The following CFHR4 variants were observed in gnomAD, a reference collection of about 807,000 sequenced individuals.
CFHR4 encodes the protein complement factor H-related protein 4.
Under a neutral mutation model 69.3 loss-of-function variants are expected in CFHR4, and 64 were observed. That is an observed-to-expected ratio of 0.92 (90% CI 0.76 to 1.14). The LOEUF (loss-of-function observed/expected upper bound fraction) is 1.14. CFHR4 is among the 50% of genes most tolerant of loss of function. The pLI is 0.00. For synonymous variants in CFHR4, 244 were observed against 237.0 expected, an observed-to-expected ratio of 1.03 and a Z score of -0.27; for missense variants, 636 against 684.9, an observed-to-expected ratio of 0.93 and a Z score of 0.80.
rs1175036015 is a variant in CFHR4, at chr1:196,918,428, G to C, written c.*22G>C. The C allele has an allele frequency of 2.5e-6, 4 of 1,594,838 alleles. No homozygotes were observed. In the East Asian group the frequency reaches 9.0e-5, roughly 36 times the overall value. On this transcript the variant is annotated 3_prime_UTR_variant, in exon 10 of 10. Coordinates refer to ENST00000608469, the MANE Select transcript of CFHR4 (RefSeq NM_001201550.3). Reference sequence around the variant, plus strand: ...ATAAGGCAGCATTGTTACCCTAAATGTATGTCCAACTTCCACTTCTCACTC... The same window carrying C: ...ATAAGGCAGCATTGTTACCCTAAATCTATGTCCAACTTCCACTTCTCACTC...
intron 1 of CFHR4, among the ~76,000 whole-genome samples, chr1:196,897,741 T>C (rs1359540403): frequency 6.6e-6 from 1 of 151,294 alleles, no homozygotes; most frequent in Non-Finnish European, 1.5e-5. Flanking sequence ...TTCAGCCGCG[T>C]ATGTGTGCCC....
At chr1:196,909,575 A>T (rs972873040) in intron 5 of CFHR4, among the ~76,000 whole-genome samples, 1 of 151,538 alleles carries the variant, frequency 6.6e-6, no homozygotes, top group Non-Finnish European at 1.5e-5. Context: ...AGTGCTTGAA[A>T]GATGGATTAA....
In CFHR4 at chr1:196,908,523, C is replaced by T. The variant is rs991354059; in HGVS notation, c.799+1025C>T. ...TTTTCACCTTCATCTCCTCTCCCCT[C>T]GTCCCAGAATGAAAATGAATACACT... On this transcript the variant is annotated intron_variant, in intron 5 of 9. Transcript: ENST00000608469. 1.3e-4 allele frequency among the ~76,000 whole-genome samples: 19 copies of T among 151,400 alleles called. 1 individual carries two copies. Among genetic ancestry groups the T allele is most frequent in the African/African-American group, 3.2e-4 (13 of 41,042 alleles).
At chr1:196,896,165 A>T (rs998361260) in intron 1 of CFHR4, among the ~76,000 whole-genome samples, 13 of 148,276 alleles carry the variant, frequency 8.8e-5, no homozygotes, top group Non-Finnish European at 1.6e-4. Context: ...AATGGGTAAC[A>T]ATGGGAATCA....
intron 1 of CFHR4, among the ~76,000 whole-genome samples, chr1:196,892,127 G>A (rs535035126): frequency 6.6e-6 from 1 of 151,572 alleles, no homozygotes; most frequent in Admixed American, 6.6e-5. Context: ...TTAAATTAAC[G>A]CTGATAAAAT....
Position 196,888,117 on chromosome 1 carries a change from C to T in CFHR4, c.-34C>T. 1 of 1,601,826 alleles carries T rather than the reference C, an allele frequency of 6.2e-7. No homozygotes were observed. The highest frequency in any genetic ancestry group is 8.5e-7 in the Non-Finnish European group (1 of 1,171,078). On this transcript the variant is annotated 5_prime_UTR_variant, in exon 1 of 10. Coordinates refer to ENST00000608469, the MANE Select transcript of CFHR4 (RefSeq NM_001201550.3). ...CAAACCCCAAACAGTGCAACTGAAA[C>T]TTTTGCATTACTATACTACTGAGAA...
chr1:196,899,190 C>A (rs545003793), intron 1 of CFHR4, among the ~76,000 whole-genome samples: 1 of 151,436 alleles, frequency 6.6e-6, no homozygotes, highest in African/African-American at 2.4e-5. Context: ...TTGCCTTTTT[C>A]AAGATTTTTT....
chr1:196,911,086 G>A (rs539086360), intron 6 of CFHR4, among the ~76,000 whole-genome samples: 2 of 151,558 alleles, frequency 1.3e-5, no homozygotes, highest in East Asian at 3.9e-4. Context: ...ATTCGTGTCA[G>A]TTAGTCCACT....
At chr1:196,892,868 A>G (rs1479968327) in intron 1 of CFHR4, among the ~76,000 whole-genome samples, 3 of 151,588 alleles carry the variant, frequency 2.0e-5, no homozygotes, top group Non-Finnish European at 4.4e-5. Flanking sequence ...CAACATGTGT[A>G]TTTAGCTTTA....
intron 4 of CFHR4, 111 bp from the exon 5 acceptor site, chr1:196,907,205 G>A: frequency 8.2e-7 from 1 of 1,217,046 alleles, no homozygotes; most frequent in Non-Finnish European, 1.2e-6. Flanking sequence ...AAATACAAAT[G>A]TCTTCCTAAG....
intron 6 of CFHR4, among the ~76,000 whole-genome samples, chr1:196,910,685 C>T (rs759990617): frequency 7.9e-5 from 12 of 151,114 alleles, no homozygotes; most frequent in Non-Finnish European, 1.6e-4. Context: ...TATGAGAATA[C>T]CTATATAATT....
At position 196,906,932 on chromosome 1, in the gene CFHR4, A is replaced by G; in HGVS notation, c.511A>G (p.Thr171Ala). Reference protein sequence around the residue: ...SNGMWFKLHDTLDYECYDGYE... With the variant: ...SNGMWFKLHDALDYECYDGYE... ...TGGCATGTGGTTTAAGCTCCATGACACATTGGACTATGAATGCTATGATGG... is the reference window on the plus strand; with the variant it reads ...TGGCATGTGGTTTAAGCTCCATGACGCATTGGACTATGAATGCTATGATGG... The change falls in exon 4 of 10, where the codon ACA (threonine) becomes GCA (alanine). Residue 171 changes from threonine (T) to alanine (A), a missense_variant. Physicochemically the swap from Thr to Ala is moderately conservative, Grantham distance 58. Around this residue, in one of 3 missense-constraint regions of CFHR4, gnomAD observed 529 missense variants for 533.2 expected, o/e 0.99. Transcript: ENST00000608469. 1 of 1,612,612 alleles carries G rather than the reference A, an allele frequency of 6.2e-7. No homozygotes were observed. Among genetic ancestry groups the G allele is most frequent in the Non-Finnish European group, 8.5e-7 (1 of 1,179,544 alleles).
chr1:196,907,760 AT>A (rs1657993715), intron 5 of CFHR4, among the ~76,000 whole-genome samples: 1 of 151,492 alleles, frequency 6.6e-6, no homozygotes, highest in African/African-American at 2.4e-5. Flanking sequence ...TTCAAGAATG[AT>A]ATCCATTTAT....
chr1:196,909,541 G>T (rs1006727244), intron 5 of CFHR4, among the ~76,000 whole-genome samples: 1 of 151,498 alleles, frequency 6.6e-6, no homozygotes, highest in Admixed American at 6.6e-5. Context: ...AAAGTGATAT[G>T]TACTATGTTA....
At chr1:196,912,965 T>C in intron 7 of CFHR4, 43 bp downstream of exon 7, 1 of 1,609,822 alleles carries the variant, frequency 6.2e-7, no homozygotes, top group Non-Finnish European at 8.5e-7. Flanking sequence ...GTCAACTTCG[T>C]TCCTCTCTTT....
Position 196,918,532 on chromosome 1 carries a change from A to G in CFHR4, c.*126A>G. The G allele has an allele frequency of 1.0e-6, 1 of 998,612 alleles. No individual in the cohort carries two copies. Among genetic ancestry groups the G allele is most frequent in the Admixed American group, 2.1e-5 (1 of 47,386 alleles). 61.9% of individuals were successfully genotyped at this position (998,612 alleles called of 1,614,324 possible). On this transcript the variant is annotated 3_prime_UTR_variant, in exon 10 of 10. Transcript: ENST00000608469. The stretch of plus-strand genomic sequence containing the variant: ...TTATTTCAAAGAAAATTAATATAAT[A>G]GTTTCAATTTGCAACTTAATATGTT...
At chr1:196,916,365 T>A (rs1658631856) in intron 9 of CFHR4, among the ~76,000 whole-genome samples, 1 of 151,770 alleles carries the variant, frequency 6.6e-6, no homozygotes, top group South Asian at 2.1e-4. Context: ...AGTTCATGAG[T>A]TTTTCAAGTG....
At chr1:196,912,661 G>T in intron 6 of CFHR4, 79 bp from the exon 7 acceptor site, 2 of 1,395,974 alleles carry the variant, frequency 1.4e-6, no homozygotes, top group South Asian at 3.0e-5. Flanking sequence ...TTGCCATATT[G>T]CCATGTTTTT....
At chr1:196,893,351 A>G (rs145361043) in intron 1 of CFHR4, among the ~76,000 whole-genome samples, 1 of 151,708 alleles carries the variant, frequency 6.6e-6, no homozygotes, top group African/African-American at 2.4e-5. Context: ...ACATCGAATC[A>G]GAGGTCGAGT....
Sources: gnomAD v4.1 joint callset for allele counts (sites outside exome capture counted in the v4.1 genomes callset) on GRCh38, gnomAD v4.1.1 for gene constraint, gnomAD v4.1.1 regional missense constraint, MANE v1.5 for transcripts, NCBI Gene and HGNC (gene_info 2026-07-23, HGNC 2026-07-21) for gene names.